Variants in INPP5A observed in about 807,000 individuals in gnomAD.
The protein encoded by INPP5A is inositol polyphosphate-5-phosphatase A.
INPP5A carries 14 observed loss-of-function variants against 65.2 expected under a neutral mutation model. The ratio of observed to expected loss-of-function variants is 0.21; its 90% CI spans 0.14 to 0.34. INPP5A has a LOEUF of 0.34. Among genes scored for constraint, INPP5A ranks in the 10% least tolerant of loss-of-function variants. The probability of loss-of-function intolerance (pLI) is 1.00; values close to 1 mark genes in which losing one functional copy is unlikely to be tolerated. For missense variants in INPP5A, 431 were observed against 545.6 expected (o/e 0.79, Z 2.09); for synonymous variants, 207 against 208.3 (o/e 0.99, Z 0.05).
chr10:132,560,150 A>G (rs547410076), intron 1 of INPP5A, among the ~76,000 whole-genome samples: 48 of 146,272 alleles, frequency 3.3e-4, no homozygotes, highest in African/African-American at 1.2e-3. Flanking sequence ...CTGTGTGAAC[A>G]TGTGTCTCCA....
chr10:132,573,812 C>T (rs57633492), intron 1 of INPP5A, among the ~76,000 whole-genome samples: 11 of 76,738 alleles, frequency 1.4e-4, no homozygotes, highest in South Asian at 4.6e-4. Context: ...GTGTGTGTGC[C>T]GTGTGAGGTT....
intron 1 of INPP5A, among the ~76,000 whole-genome samples, chr10:132,569,492 G>A (rs2071311505): frequency 6.6e-6 from 1 of 152,196 alleles, no homozygotes; most frequent in East Asian, 1.9e-4. Context: ...GAGTAGCTGG[G>A]TTTACAGGAA....
chr10:132,759,138 G>A lies in INPP5A; in HGVS notation c.904-6635G>A, dbSNP rs116780528. On this transcript the variant is annotated intron_variant, in intron 11 of 15. Coordinates refer to ENST00000368594, the MANE Select transcript of INPP5A (RefSeq NM_005539.5). Reference sequence around the variant, plus strand: ...GGCCCTGAGTGTGCAGCAGGTCAGCGTGGCCCAGGCCTCAGTGAGGCCATG... The same window carrying A: ...GGCCCTGAGTGTGCAGCAGGTCAGCATGGCCCAGGCCTCAGTGAGGCCATG... Among the ~76,000 whole-genome samples the A allele has an allele frequency of 2.8e-3, 419 of 152,330 alleles. 6 individuals are homozygous for A. Among genetic ancestry groups the A allele is most frequent in the African/African-American group, 8.5e-3 (354 of 41,574 alleles).
At chr10:132,696,173 A>G (rs1007916523) in intron 5 of INPP5A, among the ~76,000 whole-genome samples, 2 of 152,212 alleles carry the variant, frequency 1.3e-5, no homozygotes, top group African/African-American at 4.8e-5. Context: ...TACTTTGTTT[A>G]CAAACCACCC....
At chr10:132,543,747 T>C (rs930727546) in intron 1 of INPP5A, among the ~76,000 whole-genome samples, 5 of 152,276 alleles carry the variant, frequency 3.3e-5, no homozygotes, top group Admixed American at 6.5e-5. Flanking sequence ...CTGAATAATA[T>C]TCCATTGTGT....
chr10:132,752,201 G>A (rs1272068791), intron 11 of INPP5A, among the ~76,000 whole-genome samples: 4 of 151,884 alleles, frequency 2.6e-5, no homozygotes, highest in African/African-American at 9.7e-5. Flanking sequence ...GTCCCTAGCA[G>A]AGCTGGCTCC....
At position 132,650,348 on chromosome 10, in the gene INPP5A, T is replaced by C. The variant is rs2072557537; in HGVS notation, c.219-70T>C. On this transcript the variant is annotated intron_variant, in intron 3 of 15. Transcript: ENST00000368594. This position sits in a 1 kb window ranked among gnomAD's most constrained non-coding sequence, Gnocchi z 5.5. ...TATGTGCTGGAGCCCCTCTTATACCTTGTGGTCATCTCATGAGGTGCAAGG... is the reference window on the plus strand; with the variant it reads ...TATGTGCTGGAGCCCCTCTTATACCCTGTGGTCATCTCATGAGGTGCAAGG... 3 of 1,012,778 alleles carry C rather than the reference T, an allele frequency of 3.0e-6. No individual in the cohort carries two copies. The highest frequency in any genetic ancestry group is 4.7e-6 in the Non-Finnish European group (3 of 635,564). The allele number at this position is 1,012,778 out of a possible 1,614,324, so 62.7% of individuals were successfully genotyped here. A position where few individuals can be genotyped will look rare whatever the true frequency, so the allele number is the denominator to read the frequency against.
chr10:132,639,687 T>A (rs2072402121), intron 2 of INPP5A, among the ~76,000 whole-genome samples: 1 of 152,256 alleles, frequency 6.6e-6, no homozygotes, highest in Non-Finnish European at 1.5e-5. Flanking sequence ...CATCTGTTTC[T>A]CCTCTCCTTC....
intron 2 of INPP5A, among the ~76,000 whole-genome samples, chr10:132,624,829 T>C (rs2072159147): frequency 1.4e-5 from 2 of 143,198 alleles, no homozygotes; most frequent in Admixed American, 1.4e-4. Context: ...CGCCCTGGCC[T>C]GCCCCACAGT....
chr10:132,612,733 G>A (rs980175903), intron 2 of INPP5A, among the ~76,000 whole-genome samples: 1 of 152,220 alleles, frequency 6.6e-6, no homozygotes, highest in Non-Finnish European at 1.5e-5. Flanking sequence ...GCCCATGTCC[G>A]CTCTCTAGGC....
chr10:132,759,373 G>T (rs1201234043), intron 11 of INPP5A, among the ~76,000 whole-genome samples: 2 of 143,634 alleles, frequency 1.4e-5, no homozygotes, highest in Non-Finnish European at 3.1e-5. Context: ...CCTCATGCCA[G>T]ACAGAAGCTG....
intron 8 of INPP5A, among the ~76,000 whole-genome samples, chr10:132,723,768 C>T (rs1037662281): frequency 6.6e-6 from 1 of 152,130 alleles, no homozygotes; most frequent in African/African-American, 2.4e-5. Flanking sequence ...CGCTGGCCGG[C>T]GGGCGTTGCC....
intron 9 of INPP5A, among the ~76,000 whole-genome samples, chr10:132,738,577 A>G (rs909324467): frequency 7.9e-5 from 12 of 152,210 alleles, no homozygotes; most frequent in Admixed American, 7.9e-4. Context: ...ACACAGCCTG[A>G]GAAAGAGACC....
intron 1 of INPP5A, among the ~76,000 whole-genome samples, chr10:132,578,260 A>C (rs77481818): frequency 0.013 from 2,024 of 152,312 alleles, 23 homozygotes; most frequent in Middle Eastern, 0.02. Context: ...TTGAAGGTTC[A>C]AGGGTCCAGG....
chr10:132,587,100 AGT>A lies in INPP5A; in HGVS notation c.76-20811_76-20810del, dbSNP rs568654650. 9.7e-4 allele frequency among the ~76,000 whole-genome samples: 148 copies of A among 152,360 alleles called. No homozygotes were observed. Among genetic ancestry groups the A allele is most frequent in the African/African-American group, 3.4e-3 (140 of 41,584 alleles). ...TATTCCAGTCACAGCTGAGCCATGT[AGT>A]GTGCTATGACTTGATTTTTTCAGTT... On this transcript the variant is annotated intron_variant, in intron 1 of 15. Coordinates refer to ENST00000368594, the MANE Select transcript of INPP5A (RefSeq NM_005539.5). This position sits in a 1 kb window ranked among gnomAD's most constrained non-coding sequence, Gnocchi z 4.3.
chr10:132,780,995 G>A (rs1847152041), intron 14 of INPP5A, 78 bp downstream of exon 14: 1 of 924,390 alleles, frequency 1.1e-6, no homozygotes, highest in Non-Finnish European at 1.7e-6. Context: ...GGGCCAGTGG[G>A]TGGGCGGGTG....
At chr10:132,642,746 G>T (rs577700060) in intron 2 of INPP5A, among the ~76,000 whole-genome samples, 1 of 152,324 alleles carries the variant, frequency 6.6e-6, no homozygotes, top group South Asian at 2.1e-4. Flanking sequence ...GTCAATAACT[G>T]CATGAAAATA....
intron 8 of INPP5A, among the ~76,000 whole-genome samples, chr10:132,725,665 C>T (rs1418893529): frequency 6.6e-6 from 1 of 152,232 alleles, no homozygotes; most frequent in African/African-American, 2.4e-5. Context: ...CAGTGACCTG[C>T]CCGGGCTGGC....
chr10:132,678,981 G>C lies in INPP5A; in HGVS notation c.307-11411G>C, dbSNP rs1206489441. On this transcript the variant is annotated intron_variant, in intron 4 of 15. Coordinates refer to ENST00000368594, the MANE Select transcript of INPP5A (RefSeq NM_005539.5). The surrounding 1 kb of genome is among the most constrained non-coding windows in gnomAD (Gnocchi z 4.1). The stretch of plus-strand genomic sequence containing the variant: ...AATGGGGCTGGAGCTCTGTCAGCTG[G>C]GTGTGTGAGGGCCAGAGGACAGCTG... Among the ~76,000 whole-genome samples, 2 of 152,228 alleles carry C rather than the reference G, an allele frequency of 1.3e-5. No individual in the cohort carries two copies. Among genetic ancestry groups the C allele is most frequent in the African/African-American group, 4.8e-5 (2 of 41,446 alleles).
Sources: allele counts gnomAD v4.1 joint callset (sites outside exome capture counted in the v4.1 genomes callset), GRCh38; gene constraint gnomAD v4.1.1; non-coding constraint Gnocchi (gnomAD v3.1); transcripts MANE v1.5; gene names NCBI Gene and HGNC (gene_info 2026-07-23, HGNC 2026-07-21).